SLC9A2: variants seen among roughly 807,000 people sequenced by gnomAD.
SLC9A2 encodes sodium/hydrogen exchanger 2.
In SLC9A2, 42 loss-of-function variants were observed where a neutral mutation model predicts 71.7. The ratio of observed to expected loss-of-function variants is 0.59; its 90% CI spans 0.46 to 0.76. SLC9A2 has a LOEUF of 0.76. Ranked by LOEUF, SLC9A2 falls within the 30% of genes least tolerant of loss-of-function variation. The pLI, the probability that SLC9A2 is intolerant of heterozygous loss-of-function variation, is 0.00. For missense variants in SLC9A2, 829 were observed against 1,017.4 expected, an observed-to-expected ratio of 0.81 and a Z score of 2.52; for synonymous variants, 396 against 392.5, an observed-to-expected ratio of 1.01 and a Z score of -0.10.
At chr2:102,692,511 CCAGGAA>C (rs1677682955) in intron 5 of SLC9A2, among the ~76,000 whole-genome samples, 2 of 152,134 alleles carry the variant, frequency 1.3e-5, no homozygotes, top group African/African-American at 4.8e-5. Context: ...TTCCTGCAGG[CCAGGAA>C]GTAGTGGCCA....
intron 3 of SLC9A2, among the ~76,000 whole-genome samples, chr2:102,667,787 T>C (rs1032432854): frequency 1.3e-5 from 2 of 152,088 alleles, no homozygotes; most frequent in Admixed American, 6.5e-5. Flanking sequence ...ATATTGTCAT[T>C]GGCCAGGCAC....
At chr2:102,703,172 T>C (rs1436966843) in intron 9 of SLC9A2, among the ~76,000 whole-genome samples, 4 of 152,164 alleles carry the variant, frequency 2.6e-5, no homozygotes, top group African/African-American at 9.7e-5. Flanking sequence ...CCCCATAAGG[T>C]GTCCCCATTT....
At chr2:102,641,054 A>G (rs1026898587) in intron 1 of SLC9A2, among the ~76,000 whole-genome samples, 2 of 152,136 alleles carry the variant, frequency 1.3e-5, no homozygotes, top group Admixed American at 1.3e-4. Context: ...CCAAATATAT[A>G]CTTCTTGCTG....
At chr2:102,624,302 A>T (rs1414358526) in intron 1 of SLC9A2, among the ~76,000 whole-genome samples, 1 of 152,158 alleles carries the variant, frequency 6.6e-6, no homozygotes, top group Non-Finnish European at 1.5e-5. Context: ...TTATTCTTTC[A>T]CTTTGAATAT....
At chr2:102,686,957 A>T (rs1407047171) in intron 5 of SLC9A2, among the ~76,000 whole-genome samples, 1 of 152,220 alleles carries the variant, frequency 6.6e-6, no homozygotes, top group Non-Finnish European at 1.5e-5. Flanking sequence ...GAGATGTATT[A>T]GCCGAATTTG....
chr2:102,705,310 G>T (rs1197618798), intron 10 of SLC9A2, among the ~76,000 whole-genome samples: 1 of 151,870 alleles, frequency 6.6e-6, no homozygotes, highest in Non-Finnish European at 1.5e-5. Flanking sequence ...AATCAAAATG[G>T]TTATATGTGA....
In SLC9A2 at chr2:102,684,589, G is replaced by A. The variant is rs930578529; in HGVS notation, c.1425+253G>A. Among the ~76,000 whole-genome samples the A allele has an allele frequency of 5.3e-5, 8 of 152,296 alleles. 1 individual carries two copies. The South Asian group carries it at 8.3e-4, about 16-fold the overall frequency. ...ACTAAGCGCTCTAATCTTATGACTG[G>A]AAACAGGAACTGCACTTGCTAATGC... On this transcript the variant is annotated intron_variant, in intron 5 of 11. Transcript: ENST00000233969.
intron 5 of SLC9A2, among the ~76,000 whole-genome samples, chr2:102,691,391 T>C (rs1380080169): frequency 1.3e-5 from 2 of 152,168 alleles, no homozygotes; most frequent in Non-Finnish European, 2.9e-5. Context: ...TCTAATGTGG[T>C]TAAAATAAGG....
rs564828038 is a variant in SLC9A2 at position 102,656,644 on chromosome 2, T to C, written c.290-920T>C. 9.9e-4 allele frequency among the ~76,000 whole-genome samples: 151 copies of C among 152,352 alleles called. 1 individual carries two copies. Among genetic ancestry groups the C allele is most frequent in the African/African-American group, 3.2e-3 (134 of 41,576 alleles). On this transcript the variant is annotated intron_variant, in intron 1 of 11. Coordinates refer to ENST00000233969, the MANE Select transcript of SLC9A2 (RefSeq NM_003048.6). Reference sequence around the variant, plus strand: ...GAGCAAACGTCTCAAATATTAAACCTATTCAGTGTTCCAAATGCAAGAATC... The same window carrying C: ...GAGCAAACGTCTCAAATATTAAACCCATTCAGTGTTCCAAATGCAAGAATC...
At chr2:102,666,179 G>A (rs539634264) in intron 3 of SLC9A2, among the ~76,000 whole-genome samples, 1 of 150,386 alleles carries the variant, frequency 6.6e-6, no homozygotes, top group South Asian at 2.1e-4. Context: ...TTGTGACCAT[G>A]CAATTCCAGT....
intron 1 of SLC9A2, among the ~76,000 whole-genome samples, chr2:102,635,321 C>A (rs572418514): frequency 6.6e-6 from 1 of 152,302 alleles, no homozygotes; most frequent in South Asian, 2.1e-4. Context: ...CGTGTTAACA[C>A]GCCTGGTCTG....
At chr2:102,623,141 T>G (rs934622696) in intron 1 of SLC9A2, among the ~76,000 whole-genome samples, 3 of 152,184 alleles carry the variant, frequency 2.0e-5, no homozygotes, top group Admixed American at 6.5e-5. Flanking sequence ...GCATTGTGCT[T>G]GGCTATGGAA....
intron 1 of SLC9A2, among the ~76,000 whole-genome samples, chr2:102,646,534 C>A (rs1240604642): frequency 6.6e-6 from 1 of 152,060 alleles, no homozygotes; most frequent in Non-Finnish European, 1.5e-5. Flanking sequence ...CAAGACCCAT[C>A]AGTGTGCTGT....
At chr2:102,654,300 G>A (rs1161082531) in intron 1 of SLC9A2, among the ~76,000 whole-genome samples, 4 of 147,758 alleles carry the variant, frequency 2.7e-5, no homozygotes, top group East Asian at 2.0e-4. Flanking sequence ...GGGGAACAGA[G>A]ACATGGTTTT....
At chr2:102,643,282 C>T (rs1394240573) in intron 1 of SLC9A2, among the ~76,000 whole-genome samples, 1 of 152,130 alleles carries the variant, frequency 6.6e-6, no homozygotes, top group South Asian at 2.1e-4. Context: ...CCTTCTCTGA[C>T]ACCACCCCAA....
chr2:102,634,423 T>C (rs948417685), intron 1 of SLC9A2, among the ~76,000 whole-genome samples: 2 of 152,218 alleles, frequency 1.3e-5, no homozygotes, highest in African/African-American at 4.8e-5. Flanking sequence ...AATGAGCTCA[T>C]AGTAGCAGCT....
At chr2:102,675,249 A>T (rs563748153) in intron 3 of SLC9A2, among the ~76,000 whole-genome samples, 1 of 152,172 alleles carries the variant, frequency 6.6e-6, no homozygotes, top group Non-Finnish European at 1.5e-5. Flanking sequence ...GAAGAGGGAC[A>T]TTCTGGGTAG....
Position 102,657,718 on chromosome 2 carries a change from C to T in SLC9A2, c.444C>T (p.Pro148=), listed in dbSNP as rs778812688. ...TDVFFLYLLP[P]IVLDAGYFMP... is the part of the protein sequence containing the mutation. Reference sequence around the variant, plus strand: ...TATTTTTCTTGTACCTCCTCCCACCCATCGTGCTGGATGCCGGCTATTTCA... The same window carrying T: ...TATTTTTCTTGTACCTCCTCCCACCTATCGTGCTGGATGCCGGCTATTTCA... The change falls in exon 2 of 12, where the codon CCC becomes CCT. Residue 148 remains proline (P), a synonymous_variant. Coordinates refer to ENST00000233969, the MANE Select transcript of SLC9A2 (RefSeq NM_003048.6). The T allele has an allele frequency of 6.2e-6, 10 of 1,614,222 alleles. No individual in the cohort carries two copies. The highest frequency in any genetic ancestry group is 8.5e-6 in the Non-Finnish European group (10 of 1,180,034).
In SLC9A2 at chr2:102,661,113, G is replaced by A. The variant is rs113271240; in HGVS notation, c.753+3086G>A. 3.0e-3 allele frequency among the ~76,000 whole-genome samples: 458 copies of A among 152,264 alleles called. 3 individuals carry two copies. Among genetic ancestry groups the A allele is most frequent in the African/African-American group, 0.011 (437 of 41,556 alleles). On this transcript the variant is annotated intron_variant, in intron 2 of 11. Coordinates refer to ENST00000233969, the MANE Select transcript of SLC9A2 (RefSeq NM_003048.6). Reference sequence around the variant, plus strand: ...GACATGACAATTGAAAAAAATAAACGTGTGATTTTTAAATAGGATTGTGGT... The same window carrying A: ...GACATGACAATTGAAAAAAATAAACATGTGATTTTTAAATAGGATTGTGGT...
Sources: allele counts gnomAD v4.1 joint callset (sites outside exome capture counted in the v4.1 genomes callset), GRCh38; gene constraint gnomAD v4.1.1; transcripts MANE v1.5; gene names NCBI Gene and HGNC (gene_info 2026-07-23, HGNC 2026-07-21).